The following ANKMY1 variants were observed in gnomAD, a reference collection of about 807,000 sequenced individuals.
ANKMY1 encodes the protein ankyrin repeat and MYND domain-containing protein 1.
ANKMY1 carries 98 observed loss-of-function variants against 102.0 expected under a neutral mutation model. The ratio of observed to expected loss-of-function variants is 0.96; its 90% CI spans 0.82 to 1.14. The LOEUF is 1.14. Ranked by LOEUF, ANKMY1 falls within the 50% of genes most tolerant of loss-of-function variation. The pLI, the probability that ANKMY1 is intolerant of heterozygous loss-of-function variation, is 0.00. For synonymous variants in ANKMY1, 582 were observed against 559.9 expected (o/e 1.04, Z -0.56); for missense variants, 1,330 against 1,347.6 (o/e 0.99, Z 0.20).
chr2:240,478,058 A>G (rs1255042467), downstream of ANKMY1, among the ~76,000 whole-genome samples: 1 of 152,104 alleles, frequency 6.6e-6, no homozygotes, highest in Non-Finnish European at 1.5e-5. Context: ...TCTCGTGGTC[A>G]TAGAATTCTC....
In ANKMY1 at chr2:240,493,530, G is replaced by A. The variant is rs897190199; in HGVS notation, c.2806+6428C>T. ...GCATTTATGGTGTTGGTTGGGTAGG[G>A]TACTTTGGCTTTGCTTCTCAGCGTG... On this transcript the variant is annotated intron_variant, in intron 15 of 17. Coordinates refer to ENST00000401804, the MANE Select transcript of ANKMY1 (RefSeq NM_001282771.3). Among the ~76,000 whole-genome samples, 7 of 152,048 alleles carry A rather than the reference G, an allele frequency of 4.6e-5. No homozygotes were observed. The South Asian group carries it at 6.2e-4, about 14-fold the overall frequency.
intron 4 of ANKMY1, among the ~76,000 whole-genome samples, chr2:240,538,369 T>C (rs1271404947): frequency 6.6e-6 from 1 of 151,958 alleles, no homozygotes; most frequent in Admixed American, 6.5e-5. Context: ...GGGCCCACAC[T>C]CAGAGCCACC....
the ANKMY1 span, among the ~76,000 whole-genome samples, chr2:240,473,845 A>G: frequency 6.6e-6 from 1 of 152,336 alleles, no homozygotes; most frequent in African/African-American, 2.4e-5. Flanking sequence ...TCAACAAACT[A>G]GATACAGAAG....
chr2:240,484,771 A>G (rs966701950), intron 15 of ANKMY1, among the ~76,000 whole-genome samples: 2 of 152,224 alleles, frequency 1.3e-5, no homozygotes, highest in East Asian at 3.8e-4. Context: ...GGCAACCTAC[A>G]GAATGGGAGA....
At chr2:240,474,796 C>A (rs1018602863), downstream of ANKMY1, among the ~76,000 whole-genome samples, 1 of 152,162 alleles carries the variant, frequency 6.6e-6, no homozygotes, top group African/African-American at 2.4e-5. Context: ...TGTATATGTA[C>A]CACATTTTCT....
the ANKMY1 span, among the ~76,000 whole-genome samples, chr2:240,471,758 T>C: frequency 6.6e-6 from 1 of 152,170 alleles, no homozygotes; most frequent in Non-Finnish European, 1.5e-5. Flanking sequence ...GAAATCCTGA[T>C]GGAGCCCAAC....
chr2:240,471,337 C>A, the ANKMY1 span, among the ~76,000 whole-genome samples: 1 of 149,516 alleles, frequency 6.7e-6, no homozygotes, highest in Non-Finnish European at 1.5e-5. Context: ...CAGCTCACTG[C>A]GACCTCTGCC....
chr2:240,509,235 G>GGATT, intron 12 of ANKMY1, 113 bp downstream of exon 12: 1 of 817,768 alleles, frequency 1.2e-6, no homozygotes, highest in Non-Finnish European at 1.8e-6. Context: ...ATGGATGGAT[G>GGATT]GATGGATGGA....
intron 13 of ANKMY1, among the ~76,000 whole-genome samples, chr2:240,500,833 G>A (rs1005694097): frequency 6.6e-6 from 1 of 152,186 alleles, no homozygotes; most frequent in African/African-American, 2.4e-5. Flanking sequence ...CCTGGCACCC[G>A]ACTCCCAGCA....
At chr2:240,532,125 T>C (rs973558030) in intron 4 of ANKMY1, 2 of 468,802 alleles carry the variant, frequency 4.3e-6, no homozygotes, top group Admixed American at 4.8e-5. Context: ...AATGGAAACA[T>C]CACATTGAAA....
At chr2:240,548,109 C>T (rs968267513) in intron 4 of ANKMY1, among the ~76,000 whole-genome samples, 9 of 152,230 alleles carry the variant, frequency 5.9e-5, no homozygotes, top group African/African-American at 2.2e-4. Flanking sequence ...ATGCAAAAAT[C>T]CTCAATAAAA....
intron 13 of ANKMY1, 112 bp downstream of exon 13, chr2:240,507,448 C>T: frequency 7.4e-7 from 1 of 1,345,854 alleles, no homozygotes; most frequent in Non-Finnish European, 9.9e-7. Flanking sequence ...CCAGGGCCAC[C>T]CACTCCCCTC....
intron 1 of ANKMY1, 130 bp downstream of exon 1, chr2:240,557,751 A>C: frequency 3.8e-6 from 2 of 531,654 alleles, no homozygotes; most frequent in Non-Finnish European, 2.4e-6. Flanking sequence ...ACCTAACCCC[A>C]CGCCCCCAGC....
At chr2:240,478,449 A>T (rs2075005007), downstream of ANKMY1, among the ~76,000 whole-genome samples, 1 of 152,174 alleles carries the variant, frequency 6.6e-6, no homozygotes, top group East Asian at 1.9e-4. Flanking sequence ...ACACCCACCC[A>T]GCATCCCAGA....
the ANKMY1 span, among the ~76,000 whole-genome samples, chr2:240,472,895 C>G: frequency 6.6e-6 from 1 of 152,092 alleles, no homozygotes; most frequent in African/African-American, 2.4e-5. Context: ...GAGGCTGAGG[C>G]AGGTAGGTTG....
At position 240,495,348 on chromosome 2, in the gene ANKMY1, C is replaced by T. The variant is rs192110161; in HGVS notation, c.2806+4610G>A. Reference sequence around the variant, plus strand: ...GATGTCAGGCCCGCCCACAGTTATCCGGAGGCCTAACCGTCTCCCTGTGAT... The same window carrying T: ...GATGTCAGGCCCGCCCACAGTTATCTGGAGGCCTAACCGTCTCCCTGTGAT... On this transcript the variant is annotated intron_variant, in intron 15 of 17. Coordinates refer to ENST00000401804, the MANE Select transcript of ANKMY1 (RefSeq NM_001282771.3). Among the ~76,000 whole-genome samples, 121 of 152,316 alleles carry T rather than the reference C, an allele frequency of 7.9e-4. 1 individual carries two copies. The highest frequency in any genetic ancestry group is 1.4e-3 in the Admixed American group (21 of 15,304).
chr2:240,556,084 G>C (rs1369882607), intron 2 of ANKMY1, among the ~76,000 whole-genome samples: 2 of 152,162 alleles, frequency 1.3e-5, no homozygotes, highest in African/African-American at 4.8e-5. Flanking sequence ...GAGGATGGGG[G>C]AACTCTGGGC....
At chr2:240,528,268 AGAGT>A (rs2084350301) in intron 5 of ANKMY1, among the ~76,000 whole-genome samples, 1 of 151,560 alleles carries the variant, frequency 6.6e-6, no homozygotes, top group African/African-American at 2.4e-5. Context: ...CCTCGGTGAC[AGAGT>A]GAGACTCTGT....
chr2:240,550,147 A>G (rs987568068), intron 4 of ANKMY1, among the ~76,000 whole-genome samples: 24 of 152,114 alleles, frequency 1.6e-4, no homozygotes, highest in African/African-American at 5.8e-4. Context: ...CTGGATTAAG[A>G]AAATGTGGCA....
Sources: allele counts gnomAD v4.1 joint callset (sites outside exome capture counted in the v4.1 genomes callset), GRCh38; gene constraint gnomAD v4.1.1; transcripts MANE v1.5; gene names NCBI Gene and HGNC (gene_info 2026-07-23, HGNC 2026-07-21).